The following NPSR1 variants were observed in gnomAD, a reference collection of about 807,000 sequenced individuals.
NPSR1 encodes the protein neuropeptide S receptor.
NPSR1 carries 48 observed loss-of-function variants against 46.9 expected under a neutral mutation model. The ratio of observed to expected loss-of-function variants is 1.02; its 90% CI spans 0.81 to 1.30. The LOEUF (loss-of-function observed/expected upper bound fraction) is 1.30. NPSR1 is among the 50% of genes most tolerant of loss of function. The pLI, the probability that NPSR1 is intolerant of heterozygous loss-of-function variation, is 0.00. For missense variants in NPSR1, 450 were observed against 449.5 expected, an observed-to-expected ratio of 1.00 and a Z score of -0.01; for synonymous variants, 176 against 168.1, an observed-to-expected ratio of 1.05 and a Z score of -0.36.
intron 2 of NPSR1, among the ~76,000 whole-genome samples, chr7:34,737,182 A>T (rs932410205): frequency 4.6e-5 from 7 of 152,088 alleles, no homozygotes; most frequent in African/African-American, 1.7e-4. Flanking sequence ...AGTATGAGTA[A>T]ACTCTCCATG....
chr7:34,709,439 T>C (rs1378248509), intron 2 of NPSR1, among the ~76,000 whole-genome samples: 5 of 152,208 alleles, frequency 3.3e-5, no homozygotes, highest in African/African-American at 1.2e-4. Context: ...ATGGTCACTG[T>C]TGCACAGACA....
intron 5 of NPSR1, among the ~76,000 whole-genome samples, chr7:34,830,222 C>T (rs1790053525): frequency 6.6e-6 from 1 of 152,156 alleles, no homozygotes; most frequent in Non-Finnish European, 1.5e-5. Context: ...GGGCTCAATT[C>T]TCTGAGTAAG....
chr7:34,790,715 T>C (rs1403238066), intron 3 of NPSR1, among the ~76,000 whole-genome samples: 1 of 121,642 alleles, frequency 8.2e-6, no homozygotes, highest in Non-Finnish European at 1.7e-5. Context: ...ATGTTATATA[T>C]AATATATGTT....
chr7:34,757,550 G>A (rs1785927874), intron 2 of NPSR1, among the ~76,000 whole-genome samples: 1 of 152,132 alleles, frequency 6.6e-6, no homozygotes, highest in Non-Finnish European at 1.5e-5. Context: ...GGCCTTATCA[G>A]ACACACTGGA....
chr7:34,826,718 A>T (rs547101265), intron 4 of NPSR1, among the ~76,000 whole-genome samples: 81 of 152,290 alleles, frequency 5.3e-4, no homozygotes, highest in African/African-American at 1.8e-3. Flanking sequence ...CAATTTAAAG[A>T]AAAGATGAGG....
intron 6 of NPSR1, among the ~76,000 whole-genome samples, chr7:34,841,379 A>G (rs1263582756): frequency 6.6e-6 from 1 of 152,314 alleles, no homozygotes; most frequent in Middle Eastern, 3.4e-3. Flanking sequence ...CCATTTGGAG[A>G]CTAAATTTTC....
intron 2 of NPSR1, among the ~76,000 whole-genome samples, chr7:34,765,613 C>A (rs1488045070): frequency 6.6e-6 from 1 of 152,178 alleles, no homozygotes; most frequent in Non-Finnish European, 1.5e-5. Context: ...AGGACGCATG[C>A]ACTCATATAT....
intron 3 of NPSR1, among the ~76,000 whole-genome samples, chr7:34,797,400 T>C (rs889651568): frequency 6.6e-6 from 1 of 152,168 alleles, no homozygotes; most frequent in African/African-American, 2.4e-5. Flanking sequence ...GGAAGCGTGA[T>C]GGTGAGTGAG....
At chr7:34,792,671 A>G (rs1328331523) in intron 3 of NPSR1, among the ~76,000 whole-genome samples, 1 of 122,270 alleles carries the variant, frequency 8.2e-6, no homozygotes, top group East Asian at 2.2e-4. Context: ...ATATTTATAT[A>G]TATGTATATA....
chr7:34,730,773 G>T (rs554192023), intron 2 of NPSR1, among the ~76,000 whole-genome samples: 1 of 151,908 alleles, frequency 6.6e-6, no homozygotes, highest in Non-Finnish European at 1.5e-5. Context: ...TATCTATTTG[G>T]TTGTGTGTCT....
chr7:34,820,102 T>C (rs762101764), intron 4 of NPSR1, among the ~76,000 whole-genome samples: 1 of 152,152 alleles, frequency 6.6e-6, no homozygotes, highest in East Asian at 1.9e-4. Flanking sequence ...TTATGTTAAG[T>C]GCTCTTGCCA....
At chr7:34,697,565 C>T (rs1793596141) in intron 2 of NPSR1, among the ~76,000 whole-genome samples, 2 of 151,876 alleles carry the variant, frequency 1.3e-5, no homozygotes, top group South Asian at 4.2e-4. Context: ...CATACACCCT[C>T]CTGTATACTT....
At chr7:34,790,718 TATATGTTATATGTTATATGTTATATATA>T (rs1787711684) in intron 3 of NPSR1, among the ~76,000 whole-genome samples, 1 of 124,062 alleles carries the variant, frequency 8.1e-6, no homozygotes, top group African/African-American at 3.0e-5. Context: ...TTATATATAA[TATATGTTATATGTTATATGTTATATATA>T]ATATATGTTA....
intron 2 of NPSR1, among the ~76,000 whole-genome samples, chr7:34,754,083 T>C (rs1785687417): frequency 6.6e-6 from 1 of 152,118 alleles, no homozygotes; most frequent in South Asian, 2.1e-4. Flanking sequence ...AACCTTGCCA[T>C]GTCCAAGAAG....
intron 1 of NPSR1, among the ~76,000 whole-genome samples, chr7:34,659,071 T>C (rs1178922851): frequency 6.6e-6 from 1 of 152,194 alleles, no homozygotes; most frequent in Non-Finnish European, 1.5e-5. Flanking sequence ...ATATATTTCT[T>C]TGAGGGTAGT....
chr7:34,838,300 C>T lies in NPSR1; in HGVS notation c.757+3840C>T, dbSNP rs192037096. Among the ~76,000 whole-genome samples the T allele has an allele frequency of 2.9e-3, 443 of 152,254 alleles. 3 individuals are homozygous for T. The highest frequency in any genetic ancestry group is 5.2e-3 in the Non-Finnish European group (355 of 68,026). On this transcript the variant is annotated intron_variant, in intron 6 of 8. Transcript: ENST00000360581. ...ACTGATATAGAGTATGCCATTACTC[C>T]CTCCCAAAGGTGGAAATGGCTACCG...
intron 5 of NPSR1, among the ~76,000 whole-genome samples, chr7:34,833,036 A>G (rs1790192167): frequency 6.6e-6 from 1 of 152,238 alleles, no homozygotes; most frequent in Non-Finnish European, 1.5e-5. Context: ...TTCCTGGAGC[A>G]CTTGGAGGGG....
At chr7:34,662,769 AC>A (rs1464799866) in intron 1 of NPSR1, among the ~76,000 whole-genome samples, 1 of 152,012 alleles carries the variant, frequency 6.6e-6, no homozygotes, top group African/African-American at 2.4e-5. Context: ...GGTAAACTCT[AC>A]CGTGCAGTGT....
At chr7:34,736,807 C>T (rs774890041) in intron 2 of NPSR1, among the ~76,000 whole-genome samples, 14 of 152,102 alleles carry the variant, frequency 9.2e-5, no homozygotes, top group Non-Finnish European at 1.8e-4. Context: ...AGGTCTCTCT[C>T]TCCTTACTTT....
Sources: allele counts gnomAD v4.1 joint callset (sites outside exome capture counted in the v4.1 genomes callset), GRCh38; gene constraint gnomAD v4.1.1; transcripts MANE v1.5; gene names NCBI Gene and HGNC (gene_info 2026-07-23, HGNC 2026-07-21).